Variants in AOAH observed in about 807,000 individuals in gnomAD.
AOAH encodes the protein acyloxyacyl hydrolase (neutrophil).
In AOAH, 64 loss-of-function variants were observed where a neutral mutation model predicts 92.2. That is an observed-to-expected ratio of 0.69 (90% CI 0.57 to 0.86). AOAH has a LOEUF of 0.86. Ranked by LOEUF, AOAH falls within the 40% of genes least tolerant of loss-of-function variation. The probability of loss-of-function intolerance (pLI) is 0.00; values close to 1 mark genes in which losing one functional copy is unlikely to be tolerated. For synonymous variants in AOAH, 263 were observed against 254.5 expected, an observed-to-expected ratio of 1.03 and a Z score of -0.32; for missense variants, 656 against 694.6, an observed-to-expected ratio of 0.94 and a Z score of 0.62.
chr7:36,664,134 A>G (rs970194042), intron 3 of AOAH, among the ~76,000 whole-genome samples: 2 of 152,082 alleles, frequency 1.3e-5, no homozygotes, highest in Non-Finnish European at 2.9e-5. Context: ...TATTAAATAT[A>G]TACTTTGCAA....
intron 1 of AOAH, among the ~76,000 whole-genome samples, chr7:36,711,607 T>C (rs1562721239): frequency 6.6e-6 from 1 of 152,142 alleles, no homozygotes; most frequent in Admixed American, 6.5e-5. Context: ...AATGCAATGA[T>C]AATTTAAAAA....
intron 13 of AOAH, among the ~76,000 whole-genome samples, chr7:36,564,950 C>T (rs1172877001): frequency 6.6e-6 from 1 of 152,030 alleles, no homozygotes; most frequent in Non-Finnish European, 1.5e-5. Context: ...ATTTCAAAAC[C>T]TTGAAAGTAT....
intron 3 of AOAH, among the ~76,000 whole-genome samples, chr7:36,668,654 T>C (rs1795712222): frequency 6.6e-6 from 1 of 152,186 alleles, no homozygotes; most frequent in Non-Finnish European, 1.5e-5. Context: ...CCCCGGCTAA[T>C]TTTTGTATTT....
At chr7:36,545,506 C>CTTAATTCAGTGCTGGTCAACTGCCCAGGT (rs1419798970) in intron 15 of AOAH, among the ~76,000 whole-genome samples, 7 of 152,198 alleles carry the variant, frequency 4.6e-5, no homozygotes, top group African/African-American at 1.7e-4. Flanking sequence ...CTGGCTTCCT[C>CTTAATTCAGTGCTGGTCAACTGCCCAGGT]TTAATTCAGT....
rs1554305715 is a variant in AOAH, at chr7:36,654,133, A to ATCCCTGTGCGTGTGTGTATG, written c.390+5032_390+5033insCATACACACACGCACAGGGA. Among the ~76,000 whole-genome samples the ATCCCTGTGCGTGTGTGTATG allele has an allele frequency of 1.7e-4, 19 of 113,952 alleles. 1 individual carries two copies. In the Admixed American group the frequency reaches 1.9e-3, roughly 12 times the overall value. The allele number at this position is 113,952 out of a possible 152,430, so 74.8% of individuals were successfully genotyped here. ...CATCCCTGTGCGTGTGTGCGTACAC[A>ATCCCTGTGCGTGTGTGTATG]CACACACACACAGCAGCAGCAATCA... On this transcript the variant is annotated intron_variant, in intron 4 of 20. Coordinates refer to ENST00000617537, the MANE Select transcript of AOAH (RefSeq NM_001637.4).
chr7:36,596,319 G>C (rs1392097137), intron 11 of AOAH, among the ~76,000 whole-genome samples: 1 of 152,182 alleles, frequency 6.6e-6, no homozygotes, highest in Non-Finnish European at 1.5e-5. Flanking sequence ...GAGAGATAGA[G>C]AATGAGCACT....
Position 36,637,863 on chromosome 7 carries a change from C to A in AOAH, c.438G>T (p.Lys146Asn). 1.2e-6 allele frequency: 2 copies of A among 1,614,050 alleles called. No homozygotes were observed. Among genetic ancestry groups the A allele is most frequent in the South Asian group, 2.2e-5 (2 of 91,074 alleles). Residue 146 changes from lysine to asparagine, a missense_variant, in exon 5 of 21, where the codon AAG becomes AAT. Transcript: ENST00000617537. ...GCTTAGTGCTTACCAGAATCGGGGA[C>A]TTCTTGACAATTTGTCTTGCCTTCT... ...TLQKARQIVK[K>N]SPILKYSRSG...
chr7:36,637,719 C>A, intron 5 of AOAH, 132 bp downstream of exon 5: 1 of 789,304 alleles, frequency 1.3e-6, no homozygotes. Flanking sequence ...TTCCTACTTC[C>A]ATCCCCACGT....
intron 16 of AOAH, among the ~76,000 whole-genome samples, chr7:36,534,299 C>T (rs1030055073): frequency 8.5e-5 from 13 of 152,232 alleles, no homozygotes; most frequent in Non-Finnish European, 1.3e-4. Context: ...TCTGCACCTC[C>T]TCAGTCCCTC....
At chr7:36,654,607 C>A (rs1180770998) in intron 4 of AOAH, among the ~76,000 whole-genome samples, 2 of 152,060 alleles carry the variant, frequency 1.3e-5, no homozygotes, top group African/African-American at 4.8e-5. Flanking sequence ...ACAGAGGGGC[C>A]CATCCATCCT....
chr7:36,550,516 G>A (rs1786153011), intron 13 of AOAH, among the ~76,000 whole-genome samples: 1 of 152,148 alleles, frequency 6.6e-6, no homozygotes, highest in African/African-American at 2.4e-5. Context: ...TAAGTGGCTT[G>A]CCCAAAGCCA....
intron 1 of AOAH, among the ~76,000 whole-genome samples, chr7:36,708,554 T>C (rs1222691407): frequency 1.3e-5 from 2 of 152,194 alleles, no homozygotes; most frequent in African/African-American, 4.8e-5. Context: ...AGTCCCTTTC[T>C]ATTGACTGCT....
intron 3 of AOAH, among the ~76,000 whole-genome samples, chr7:36,672,112 T>C (rs1795974248): frequency 6.6e-6 from 1 of 152,154 alleles, no homozygotes; most frequent in South Asian, 2.1e-4. Flanking sequence ...GGTCCCTGCC[T>C]TCCAAACACA....
Position 36,513,391 on chromosome 7 carries a change from G to T in AOAH, c.1600-11C>A, listed in dbSNP as rs1790156820. 10 of 1,611,360 alleles carry T rather than the reference G, an allele frequency of 6.2e-6. No homozygotes were observed. The highest frequency in any genetic ancestry group is 7.6e-6 in the Non-Finnish European group (9 of 1,178,320). On this transcript the variant is annotated splice_polypyrimidine_tract_variant and intron_variant, in intron 20 of 20. Transcript: ENST00000617537. ...CAACAGCAAAGCCACCTGTGAGAGA[G>T]AACCCAAAGGACGAGGAAAAGGGAA...
At chr7:36,639,604 G>T (rs1199025991) in intron 4 of AOAH, among the ~76,000 whole-genome samples, 1 of 152,192 alleles carries the variant, frequency 6.6e-6, no homozygotes, top group Admixed American at 6.5e-5. Flanking sequence ...TAATAATGAT[G>T]GGTGATAACT....
rs555748533 is a variant in AOAH at position 36,710,091 on chromosome 7, C to A, written c.127+13931G>T. Among the ~76,000 whole-genome samples the A allele has an allele frequency of 8.8e-4, 134 of 152,274 alleles. 1 individual carries two copies. The highest frequency in any genetic ancestry group is 3.2e-3 in the African/African-American group (131 of 41,558). On this transcript the variant is annotated intron_variant, in intron 1 of 20. Coordinates refer to ENST00000617537, the MANE Select transcript of AOAH (RefSeq NM_001637.4). ...GGTAGAATTATAATATTTCTGCCTC[C>A]TGATGAACACATCTTACTTAATTCC... is the stretch of plus-strand genomic sequence containing the variant.
At chr7:36,542,997 G>C (rs1045328511) in intron 15 of AOAH, among the ~76,000 whole-genome samples, 1 of 151,526 alleles carries the variant, frequency 6.6e-6, no homozygotes, top group African/African-American at 2.4e-5. Context: ...TGGTGCCATG[G>C]GGGTAGCCAG....
chr7:36,681,565 G>C (rs1164206213), intron 2 of AOAH, among the ~76,000 whole-genome samples: 2 of 152,162 alleles, frequency 1.3e-5, no homozygotes, highest in Non-Finnish European at 1.5e-5. Flanking sequence ...AGCACTTTGG[G>C]AGGCCGAGGC....
chr7:36,691,478 T>TA (rs907939269), intron 1 of AOAH, among the ~76,000 whole-genome samples: 15 of 152,154 alleles, frequency 9.9e-5, no homozygotes, highest in African/African-American at 3.6e-4. Flanking sequence ...TTCCTCATCT[T>TA]AGAGTCTGGA....
Sources: allele counts gnomAD v4.1 joint callset (sites outside exome capture counted in the v4.1 genomes callset), GRCh38; gene constraint gnomAD v4.1.1; transcripts MANE v1.5; gene names NCBI Gene and HGNC (gene_info 2026-07-23, HGNC 2026-07-21).